The following SPHKAP variants were observed in gnomAD, a reference collection of about 807,000 sequenced individuals.
SPHKAP encodes SPHK1 interactor, AKAP domain containing.
Under a neutral mutation model 137.5 loss-of-function variants are expected in SPHKAP, and 67 were observed. The ratio of observed to expected loss-of-function variants is 0.49; its 90% CI spans 0.40 to 0.60. The LOEUF (loss-of-function observed/expected upper bound fraction) is 0.60. SPHKAP is among the 20% of genes least tolerant of loss of function. The pLI is 0.00. For synonymous variants in SPHKAP, 813 were observed against 785.3 expected, an observed-to-expected ratio of 1.04 and a Z score of -0.59; for missense variants, 2,097 against 2,069.3, an observed-to-expected ratio of 1.01 and a Z score of -0.26.
intron 2 of SPHKAP, among the ~76,000 whole-genome samples, chr2:228,117,107 C>G (rs1265129640): frequency 6.6e-6 from 1 of 152,100 alleles, no homozygotes; most frequent in South Asian, 2.1e-4. Context: ...TTCCCACTAT[C>G]TATGAGTATT....
rs35844475 is a variant in SPHKAP, at chr2:228,102,245, CTT to C, written c.246+6585_246+6586del. Among the ~76,000 whole-genome samples, 9 of 149,830 alleles carry C rather than the reference CTT, an allele frequency of 6.0e-5. No individual in the cohort carries two copies. The East Asian group carries it at 1.4e-3, about 23-fold the overall frequency. The stretch of plus-strand genomic sequence containing the variant: ...TGAGTTTGTCAAATACATTGCTTAC[CTT>C]TTTTTTTTAAACACACTTGTCATTT... On this transcript the variant is annotated intron_variant, in intron 3 of 11. Coordinates refer to ENST00000392056, the MANE Select transcript of SPHKAP (RefSeq NM_001142644.2).
rs553250254 is a variant in SPHKAP, at chr2:228,018,471, G to A, written c.2383C>T (p.Gln795Ter). The A allele has an allele frequency of 6.2e-7, 1 of 1,614,060 alleles. No homozygotes were observed. The highest frequency in any genetic ancestry group is 1.3e-5 in the African/African-American group (1 of 74,924). ...CCTGGCCTCACTCCACCCTTGTCTT[G>A]TTTTGAATACATGCCATCCACAAGA... ...NNLVDGMYSK[Q>*]DKGGVRPGLF... The change falls in exon 7 of 12, where the codon CAA becomes TAA. Residue 795 changes from glutamine (Q) to a stop codon, truncating the protein, a stop_gained. Coordinates refer to ENST00000392056, the MANE Select transcript of SPHKAP (RefSeq NM_001142644.2). LOFTEE classifies it high-confidence loss of function.
At chr2:228,147,329 TAC>T (rs1389909908) in intron 1 of SPHKAP, among the ~76,000 whole-genome samples, 1 of 152,212 alleles carries the variant, frequency 6.6e-6, no homozygotes, top group African/African-American at 2.4e-5. Flanking sequence ...GTAGAAATCA[TAC>T]ATATAAACCG....
intron 3 of SPHKAP, among the ~76,000 whole-genome samples, chr2:228,053,976 T>C (rs1270091773): frequency 6.6e-6 from 1 of 152,226 alleles, no homozygotes; most frequent in Admixed American, 6.5e-5. Flanking sequence ...GCTTCAAACA[T>C]TTCTTTCCAT....
rs892804699 is a variant in SPHKAP at position 228,018,968 on chromosome 2, C to T, written c.1886G>A (p.Arg629Lys). The change falls in exon 7 of 12, where the codon AGG becomes AAG. Residue 629 changes from arginine to lysine, a missense_variant. By Grantham distance (26) the Arg-to-Lys change is conservative. Transcript: ENST00000392056. Reference protein sequence around the residue: ...LLKEAALVLTRPNTYSSIGDF... With the variant: ...LLKEAALVLTKPNTYSSIGDF... ...TCCAATGCTGCTGTAGGTATTAGGCCTTGTTAAAACCAGAGCAGCCTCCTT... is the reference window on the plus strand; with the variant it reads ...TCCAATGCTGCTGTAGGTATTAGGCTTTGTTAAAACCAGAGCAGCCTCCTT... 3.1e-6 allele frequency: 5 copies of T among 1,613,994 alleles called. No individual in the cohort carries two copies. The African/African-American group carries it at 6.7e-5, about 22-fold the overall frequency.
rs192052197 is a variant in SPHKAP, at chr2:227,993,733, G to A, written c.4635-113C>T. 409 of 927,948 alleles carry A rather than the reference G, an allele frequency of 4.4e-4. 1 individual carries two copies. In the African/African-American group the frequency reaches 5.8e-3, roughly 13 times the overall value. 57.5% of individuals were successfully genotyped at this position (927,948 alleles called of 1,614,324 possible). On this transcript the variant is annotated intron_variant, in intron 8 of 11. Coordinates refer to ENST00000392056, the MANE Select transcript of SPHKAP (RefSeq NM_001142644.2). ...TTCCTTTGGTCCCCAGAAAAATATC[G>A]CTTTGTGCCTAGGACACCTCAATTC...
intron 1 of SPHKAP, among the ~76,000 whole-genome samples, chr2:228,179,841 A>G (rs1700846915): frequency 6.6e-6 from 1 of 152,212 alleles, no homozygotes; most frequent in Non-Finnish European, 1.5e-5. Flanking sequence ...CCGGTATTTG[A>G]ATAGAAATAT....
chr2:227,993,063 G>A (rs115861749), intron 9 of SPHKAP, among the ~76,000 whole-genome samples: 156 of 152,078 alleles, frequency 1.0e-3, no homozygotes, highest in Middle Eastern at 6.8e-3. Flanking sequence ...GCATAGTCAC[G>A]GGGTGGGAAT....
At chr2:228,142,005 G>A (rs1019466620) in intron 1 of SPHKAP, among the ~76,000 whole-genome samples, 4 of 152,134 alleles carry the variant, frequency 2.6e-5, no homozygotes, top group African/African-American at 9.7e-5. Flanking sequence ...TGGTTCTGTG[G>A]AGGCCCTGCT....
chr2:227,982,876 A>G (rs572716637), intron 11 of SPHKAP, among the ~76,000 whole-genome samples: 60 of 152,298 alleles, frequency 3.9e-4, no homozygotes, highest in Non-Finnish European at 2.9e-5. Context: ...TTGCTGAACG[A>G]CAGAAGGGTT....
chr2:227,996,943 T>C (rs986869848), intron 7 of SPHKAP, among the ~76,000 whole-genome samples: 2 of 152,202 alleles, frequency 1.3e-5, no homozygotes, highest in African/African-American at 4.8e-5. Context: ...TAGATGAAGA[T>C]CCAGAAGCCC....
chr2:228,102,086 C>G (rs553666546), intron 3 of SPHKAP, among the ~76,000 whole-genome samples: 1 of 152,268 alleles, frequency 6.6e-6, no homozygotes, highest in East Asian at 1.9e-4. Flanking sequence ...TCTTTGATTA[C>G]CAGAGAAGCT....
At chr2:227,995,728 C>A (rs769657724) in intron 7 of SPHKAP, 34 bp from the exon 8 acceptor site, 1 of 1,508,756 alleles carries the variant, frequency 6.6e-7, no homozygotes, top group South Asian at 1.3e-5. Context: ...CCAAGAGAGG[C>A]AGCACACACA....
intron 1 of SPHKAP, among the ~76,000 whole-genome samples, chr2:228,163,766 G>C (rs934994973): frequency 1.3e-5 from 2 of 152,176 alleles, no homozygotes; most frequent in Non-Finnish European, 2.9e-5. Flanking sequence ...ACTGTTTCCA[G>C]ATGTCCTTGA....
At chr2:228,035,365 C>A (rs1423136037) in intron 3 of SPHKAP, among the ~76,000 whole-genome samples, 4 of 152,046 alleles carry the variant, frequency 2.6e-5, no homozygotes, top group African/African-American at 9.7e-5. Flanking sequence ...CAAACCACTG[C>A]TCAAGGAAAT....
chr2:228,025,648 A>G lies in SPHKAP; in HGVS notation c.307-120T>C, dbSNP rs1399740886. The G allele has an allele frequency of 4.3e-6, 5 of 1,168,476 alleles. No individual in the cohort carries two copies. In the East Asian group the frequency reaches 1.4e-4, roughly 32 times the overall value. 72.4% of individuals were successfully genotyped at this position (1,168,476 alleles called of 1,614,324 possible). A position where few individuals can be genotyped will look rare whatever the true frequency, so the allele number is the denominator to read the frequency against. The stretch of plus-strand genomic sequence containing the variant: ...CTCATACATATAGACTGCTTAATCT[A>G]CCAAGATTCTTACTAGAAGAAATTT... On this transcript the variant is annotated intron_variant, in intron 4 of 11. Coordinates refer to ENST00000392056, the MANE Select transcript of SPHKAP (RefSeq NM_001142644.2).
rs1418625506 is a variant in SPHKAP at position 227,981,808 on chromosome 2, A to G, written c.5012T>C (p.Ile1671Thr). The change falls in exon 12 of 12, where the codon ATC becomes ACC. Residue 1671 changes from isoleucine (I) to threonine (T), a missense_variant. Physicochemically the swap from Ile to Thr is moderately conservative, Grantham distance 89. Transcript: ENST00000392056. ...VHRKSWKVGDIFHAVVQYCKM... is the reference protein window; with the variant it reads ...VHRKSWKVGDTFHAVVQYCKM... The stretch of plus-strand genomic sequence containing the variant: ...GCAGTACTGGACAACTGCATGGAAG[A>G]TATCACCCACTTTCCAGGACTTCCG... The G allele has an allele frequency of 1.2e-6, 2 of 1,613,676 alleles. No individual in the cohort carries two copies. Among genetic ancestry groups the G allele is most frequent in the South Asian group, 1.1e-5 (1 of 91,078 alleles).
intron 8 of SPHKAP, 108 bp downstream of exon 8, chr2:227,995,401 C>G: frequency 3.2e-4 from 420 of 1,306,748 alleles, no homozygotes; most frequent in Non-Finnish European, 4.0e-4. Context: ...TTTTTTTGTT[C>G]TCTCCTTCTC....
chr2:228,114,380 CA>C (rs1166905406), intron 2 of SPHKAP, among the ~76,000 whole-genome samples: 1 of 152,030 alleles, frequency 6.6e-6, no homozygotes, highest in African/African-American at 2.4e-5. Context: ...CATGACTGAG[CA>C]ATGTCTTAAT....
Sources: gnomAD v4.1 joint callset for allele counts (sites outside exome capture counted in the v4.1 genomes callset) on GRCh38, gnomAD v4.1.1 for gene constraint, MANE v1.5 for transcripts, NCBI Gene and HGNC (gene_info 2026-07-23, HGNC 2026-07-21) for gene names.